The following TSEN15 variants were observed in gnomAD, a reference collection of about 807,000 sequenced individuals.
TSEN15 encodes tRNA splicing endonuclease subunit 15.
A neutral mutation model predicts 20.5 loss-of-function variants in TSEN15; 10 were observed. The ratio of observed to expected loss-of-function variants is 0.49; its 90% CI spans 0.30 to 0.83. The LOEUF is 0.83. Ranked by LOEUF, TSEN15 falls within the 40% of genes least tolerant of loss-of-function variation. TSEN15 has a pLI of 0.06. For missense variants in TSEN15, 180 were observed against 218.6 expected, an observed-to-expected ratio of 0.82 and a Z score of 1.11; for synonymous variants, 72 against 80.1, an observed-to-expected ratio of 0.90 and a Z score of 0.54.
At chr1:184,083,854 T>C (rs1651212910) in intron 3 of TSEN15, among the ~76,000 whole-genome samples, 1 of 152,170 alleles carries the variant, frequency 6.6e-6, no homozygotes, top group East Asian at 1.9e-4. Flanking sequence ...GGTGATCCTA[T>C]AATTGAAAGA....
At chr1:184,079,021 A>C (rs1233753204), downstream of TSEN15, among the ~76,000 whole-genome samples, 3 of 152,064 alleles carry the variant, frequency 2.0e-5, no homozygotes, top group Non-Finnish European at 4.4e-5. Context: ...GCCATATTTT[A>C]CCTTGAGTGT....
At chr1:184,095,208 T>C (rs1651426500) in intron 3 of TSEN15, 1 of 397,666 alleles carries the variant, frequency 2.5e-6, no homozygotes. Flanking sequence ...CACCTGCCAG[T>C]TTCCTTCTGA....
chr1:184,096,409 G>A (rs1233702118), exon 4 of TSEN15: 1 of 152,300 alleles, frequency 6.6e-6, no homozygotes, highest in Non-Finnish European at 1.5e-5. Context: ...AGGCCAGGTG[G>A]TTGGTTTTAG....
chr1:184,060,732 C>T (rs190985787), intron 3 of TSEN15, among the ~76,000 whole-genome samples: 24 of 152,298 alleles, frequency 1.6e-4, no homozygotes, highest in African/African-American at 5.5e-4. Context: ...TTTGTACCCC[C>T]ACTTTTTCCA....
At chr1:184,075,867 A>G (rs1651048682), downstream of TSEN15, among the ~76,000 whole-genome samples, 1 of 150,666 alleles carries the variant, frequency 6.6e-6, no homozygotes, top group Non-Finnish European at 1.5e-5. Context: ...AAGCCTGTTT[A>G]GGGTAGGGGT....
At chr1:184,088,089 A>G (rs546422933) in intron 3 of TSEN15, among the ~76,000 whole-genome samples, 6 of 152,280 alleles carry the variant, frequency 3.9e-5, no homozygotes, top group African/African-American at 1.4e-4. Flanking sequence ...AGGCAGAATC[A>G]GCTGAGGAAG....
At chr1:184,059,014 A>ATATTCGCTT (rs1417266475) in intron 3 of TSEN15, among the ~76,000 whole-genome samples, 1 of 151,234 alleles carries the variant, frequency 6.6e-6, no homozygotes, top group Non-Finnish European at 1.5e-5. Context: ...CTAGCACTGA[A>ATATTCGCTT]TATTCGCTTA....
At position 184,072,395 on chromosome 1, in the gene TSEN15, C is replaced by T. The variant is rs1382347183; in HGVS notation, c.495+97C>T. ...CAAGTCAGTCACAGAACTGCCACTT[C>T]CTTTGCCATAGGGAAAATTCAAGAA... On this transcript the variant is annotated intron_variant, in intron 4 of 4. Transcript: ENST00000645668. 3.6e-6 allele frequency: 4 copies of T among 1,126,592 alleles called. No homozygotes were observed. The African/African-American group carries it at 6.5e-5, about 18-fold the overall frequency. The allele number at this position is 1,126,592 out of a possible 1,614,324, so 69.8% of individuals were successfully genotyped here. A position where few individuals can be genotyped will look rare whatever the true frequency, so the allele number is the denominator to read the frequency against.
chr1:184,087,377 T>C (rs1457779520), intron 3 of TSEN15, among the ~76,000 whole-genome samples: 1 of 152,184 alleles, frequency 6.6e-6, no homozygotes, highest in East Asian at 1.9e-4. Context: ...CTAGCACAAT[T>C]TCAAGTGCTC....
At chr1:184,067,941 A>AAAAAAAATAT (rs1400681024) in intron 3 of TSEN15, among the ~76,000 whole-genome samples, 2 of 95,600 alleles carry the variant, frequency 2.1e-5, no homozygotes, top group African/African-American at 8.4e-5. Context: ...AAAAAAAAAA[A>AAAAAAAATAT]ATATATATAT....
chr1:184,072,635 G>C (rs895451326), intron 4 of TSEN15, 192 bp from the exon 5 acceptor site: 5 of 614,742 alleles, frequency 8.1e-6, no homozygotes, highest in Non-Finnish European at 1.4e-5. Context: ...GTAAAAAAAC[G>C]CTTATTTAAG....
intron 3 of TSEN15, among the ~76,000 whole-genome samples, chr1:184,059,122 G>A (rs932539595): frequency 4.6e-5 from 7 of 151,856 alleles, no homozygotes; most frequent in African/African-American, 1.7e-4. Flanking sequence ...TGTGATTTGG[G>A]ACTGCCTTCA....
intron 3 of TSEN15, 80 bp from the exon 4 acceptor site, chr1:184,072,077 G>T: frequency 1.4e-6 from 2 of 1,428,728 alleles, no homozygotes; most frequent in Admixed American, 2.4e-5. Flanking sequence ...CTGTTTTCAA[G>T]TTTTCTAGTG....
At chr1:184,090,525 T>C (rs924666991) in intron 3 of TSEN15, among the ~76,000 whole-genome samples, 1 of 152,218 alleles carries the variant, frequency 6.6e-6, no homozygotes, top group Non-Finnish European at 1.5e-5. Flanking sequence ...AGATGTATTA[T>C]CTCCTGTCCC....
chr1:184,080,762 G>A (rs1362796710), intron 3 of TSEN15, among the ~76,000 whole-genome samples: 2 of 152,136 alleles, frequency 1.3e-5, no homozygotes, highest in Middle Eastern at 3.2e-3. Flanking sequence ...ACTAAATTTT[G>A]TGCTGGTACA....
At chr1:184,088,219 A>G (rs1651298275) in intron 3 of TSEN15, among the ~76,000 whole-genome samples, 1 of 152,134 alleles carries the variant, frequency 6.6e-6, no homozygotes, top group African/African-American at 2.4e-5. Context: ...TGAGAGCCAC[A>G]CTGCGGAGTT....
In TSEN15 at chr1:184,061,125, T is replaced by C. The variant is rs145718248; in HGVS notation, c.353+6262T>C. 3.1e-3 allele frequency among the ~76,000 whole-genome samples: 470 copies of C among 152,284 alleles called. 2 individuals carry two copies. Among genetic ancestry groups the C allele is most frequent in the African/African-American group, 7.4e-3 (306 of 41,572 alleles). Reference sequence around the variant, plus strand: ...TTTGACTCTCACTCAAGAAAGAATGTTGGAATATCACTGGTGAGACTGATA... The same window carrying C: ...TTTGACTCTCACTCAAGAAAGAATGCTGGAATATCACTGGTGAGACTGATA... On this transcript the variant is annotated intron_variant, in intron 3 of 4. Transcript: ENST00000645668.
At chr1:184,057,318 G>A (rs1249971569) in intron 3 of TSEN15, among the ~76,000 whole-genome samples, 2 of 152,084 alleles carry the variant, frequency 1.3e-5, no homozygotes, top group Non-Finnish European at 2.9e-5. Context: ...CTGAGAGTGG[G>A]GTATGGGAAG....
At chr1:184,066,491 C>T (rs989477146) in intron 3 of TSEN15, among the ~76,000 whole-genome samples, 23 of 151,838 alleles carry the variant, frequency 1.5e-4, no homozygotes, top group Non-Finnish European at 2.6e-4. Context: ...CAACCCGGTC[C>T]GCCTCCTGGG....
Sources: allele counts gnomAD v4.1 joint callset (sites outside exome capture counted in the v4.1 genomes callset), GRCh38; gene constraint gnomAD v4.1.1; transcripts MANE v1.5; gene names NCBI Gene and HGNC (gene_info 2026-07-23, HGNC 2026-07-21).